Variants in SMS observed in about 807,000 individuals in gnomAD.
SMS encodes the protein spermidine aminopropyltransferase.
SMS carries 3 observed loss-of-function variants against 33.0 expected under a neutral mutation model. The observed-to-expected ratio is 0.09, with a 90% CI of 0.04 to 0.23. The LOEUF is 0.23. SMS is among the 10% of genes least tolerant of loss of function. The pLI, the probability that SMS is intolerant of heterozygous loss-of-function variation, is 1.00. For missense variants in SMS, 117 were observed against 288.6 expected (o/e 0.41, Z 4.31); for synonymous variants, 103 against 112.2 (o/e 0.92, Z 0.52).
intron 7 of SMS, among the ~76,000 whole-genome samples, chrX:21,983,287 A>G (rs1238054881): frequency 9.0e-6 from 1 of 110,919 alleles, no homozygotes; most frequent in African/African-American, 3.3e-5. Context: ...TGTTCCGCCC[A>G]CCTCAACTTC....
intron 9 of SMS, among the ~76,000 whole-genome samples, chrX:21,989,426 C>T (rs1294565791): frequency 1.8e-5 from 2 of 111,809 alleles, no homozygotes; most frequent in African/African-American, 6.5e-5. Flanking sequence ...TGCAGGATTA[C>T]GGGTAAAAAA....
At chrX:21,978,199 C>G in intron 6 of SMS, 85 bp downstream of exon 6, 1 of 955,260 alleles carries the variant, frequency 1.0e-6, no homozygotes, top group Non-Finnish European at 1.5e-6. Flanking sequence ...ATTAATGTTA[C>G]CACAGACTAG....
At chrX:21,942,551 T>G (rs998850585) in intron 1 of SMS, among the ~76,000 whole-genome samples, 2 of 112,150 alleles carry the variant, frequency 1.8e-5, no homozygotes, top group African/African-American at 6.5e-5. Context: ...CATGTTAATT[T>G]TAGTTCCCAC....
chrX:21,992,400 G>A (rs1471011320), intron 9 of SMS, among the ~76,000 whole-genome samples, 197 bp from the exon 10 acceptor site: 1 of 112,463 alleles, frequency 8.9e-6, no homozygotes, highest in Non-Finnish European at 1.9e-5. Flanking sequence ...TGGTAAATGA[G>A]GTAGAAGGAT....
intron 2 of SMS, among the ~76,000 whole-genome samples, chrX:21,969,344 C>T (rs1014272028): frequency 1.8e-5 from 2 of 111,879 alleles, no homozygotes; most frequent in African/African-American, 6.5e-5. Flanking sequence ...CTCATATGAA[C>T]ACCACCACCA....
chrX:21,951,038 T>A (rs1488005563), intron 1 of SMS, among the ~76,000 whole-genome samples: 2 of 112,463 alleles, frequency 1.8e-5, no homozygotes, highest in African/African-American at 6.5e-5. Context: ...TCCACAATAG[T>A]TGAACTAATT....
chrX:21,978,146 G>A, intron 6 of SMS, 32 bp downstream of exon 6: 1 of 1,176,508 alleles, frequency 8.5e-7, no homozygotes. Context: ...AACAAGTTCA[G>A]TGGGCTTCTT....
chrX:21,970,919 G>A (rs112344261), intron 2 of SMS, among the ~76,000 whole-genome samples: 4 of 110,113 alleles, frequency 3.6e-5, no homozygotes, highest in Non-Finnish European at 3.8e-5. Context: ...TGCATAGGCC[G>A]GGCATGGTGG....
Position 21,958,037 on chromosome X carries a change from T to G in SMS, c.50-9159T>G, listed in dbSNP as rs1923091520. On this transcript the variant is annotated intron_variant, in intron 1 of 10. Transcript: ENST00000404933. Reference sequence around the variant, plus strand: ...TTAGCCCTTTGTCAGATGCATAGTTTGTAAATATTTTCTCCCACTCTATGG... The same window carrying G: ...TTAGCCCTTTGTCAGATGCATAGTTGGTAAATATTTTCTCCCACTCTATGG... 3.6e-5 allele frequency among the ~76,000 whole-genome samples: 4 copies of G among 111,043 alleles called. No individual in the cohort carries two copies. In the South Asian group the frequency reaches 1.5e-3, roughly 42 times the overall value.
At chrX:21,966,525 A>T (rs1923734981) in intron 1 of SMS, among the ~76,000 whole-genome samples, 1 of 110,940 alleles carries the variant, frequency 9.0e-6, no homozygotes. Flanking sequence ...ACTGGGCAGG[A>T]TGGGAGACAG....
intron 1 of SMS, among the ~76,000 whole-genome samples, chrX:21,963,993 G>C (rs1473540951): frequency 4.5e-5 from 5 of 111,120 alleles, no homozygotes; most frequent in Non-Finnish European, 9.4e-5. Context: ...ACAGTGGGCT[G>C]GCCAACCACA....
chrX:21,993,554 G>T (rs1316030226), intron 10 of SMS, among the ~76,000 whole-genome samples: 2 of 112,103 alleles, frequency 1.8e-5, no homozygotes, highest in African/African-American at 6.5e-5. Context: ...AGTGAGGCCT[G>T]GTCCCATCAG....
intron 7 of SMS, among the ~76,000 whole-genome samples, chrX:21,982,570 TA>T (rs35705813): frequency 1.8e-5 from 2 of 111,988 alleles, no homozygotes; most frequent in Non-Finnish European, 3.8e-5. Flanking sequence ...AGCCCACAGT[TA>T]AAAAGGTGTC....
At chrX:21,949,915 T>G (rs1038921851) in intron 1 of SMS, among the ~76,000 whole-genome samples, 2 of 109,089 alleles carry the variant, frequency 1.8e-5, no homozygotes, top group Non-Finnish European at 3.8e-5. Context: ...TTAGGGACTT[T>G]GAGTCAGTGA....
At chrX:21,989,803 C>A (rs1925635273) in intron 9 of SMS, among the ~76,000 whole-genome samples, 1 of 111,351 alleles carries the variant, frequency 9.0e-6, no homozygotes, top group South Asian at 3.7e-4. Context: ...AGTACAGTGG[C>A]TTGATCACTG....
At chrX:21,958,839 G>T (rs1473219706) in intron 1 of SMS, among the ~76,000 whole-genome samples, 2 of 112,958 alleles carry the variant, frequency 1.8e-5, no homozygotes, top group Middle Eastern at 4.6e-3. Flanking sequence ...ATCACACACG[G>T]CTAAGGATTT....
chrX:21,994,300 C>T lies in SMS; in HGVS notation c.1062-12C>T, dbSNP rs780578980. 8.3e-6 allele frequency: 10 copies of T among 1,201,779 alleles called. No homozygotes were observed. The East Asian group carries it at 3.0e-4, about 36-fold the overall frequency. On this transcript the variant is annotated splice_polypyrimidine_tract_variant and intron_variant, in intron 10 of 10. Transcript: ENST00000404933. ...TGAATTACCTGCTTTTATTCCTTGA[C>T]TCCCTGTCCAGGTGGGTATTTTACA...
intron 1 of SMS, among the ~76,000 whole-genome samples, chrX:21,964,525 G>T (rs1239428449): frequency 1.8e-5 from 2 of 111,248 alleles, no homozygotes; most frequent in Non-Finnish European, 3.8e-5. Flanking sequence ...CTTTTGGAAG[G>T]GGTTGCTCTA....
At chrX:21,945,136 G>A (rs1370150562) in intron 1 of SMS, among the ~76,000 whole-genome samples, 1 of 111,878 alleles carries the variant, frequency 8.9e-6, no homozygotes, top group Non-Finnish European at 1.9e-5. Flanking sequence ...ATCTTTTGAA[G>A]GCAGACCTCC....
Sources: allele counts gnomAD v4.1 joint callset (sites outside exome capture counted in the v4.1 genomes callset), GRCh38; gene constraint gnomAD v4.1.1; transcripts MANE v1.5; gene names NCBI Gene and HGNC (gene_info 2026-07-23, HGNC 2026-07-21).